MAPK8IP3: variants seen among roughly 807,000 people sequenced by gnomAD.
MAPK8IP3 encodes the protein C-Jun-amino-terminal kinase-interacting protein 3.
In MAPK8IP3, 49 loss-of-function variants were observed where a neutral mutation model predicts 157.8. The ratio of observed to expected loss-of-function variants is 0.31; its 90% CI spans 0.25 to 0.39. MAPK8IP3 has a LOEUF of 0.39. Ranked by LOEUF, MAPK8IP3 falls within the 10% of genes least tolerant of loss-of-function variation. The pLI, the probability that MAPK8IP3 is intolerant of heterozygous loss-of-function variation, is 1.00. For missense variants in MAPK8IP3, 1,478 were observed against 1,889.4 expected (o/e 0.78, Z 4.04); for synonymous variants, 897 against 777.7 (o/e 1.15, Z -2.55).
rs778905521 is a variant in MAPK8IP3 at position 1,729,087 on chromosome 16, G to C, written c.440-51G>C. 7.1e-6 allele frequency: 11 copies of C among 1,554,080 alleles called. No homozygotes were observed. In the African/African-American group the frequency reaches 1.4e-4, roughly 19 times the overall value. ...TCTGTGGTTACAACCCAAGAGTTCA[G>C]GGCCATGGAGAAGCGTCTTGTGCGG... On this transcript the variant is annotated intron_variant, in intron 2 of 31. Coordinates refer to ENST00000610761, the MANE Select transcript of MAPK8IP3 (RefSeq NM_001318852.2).
rs1285849041 is a variant in MAPK8IP3 at position 1,743,486 on chromosome 16, C to T, written c.747+10C>T. The T allele has an allele frequency of 1.9e-6, 3 of 1,607,686 alleles. No individual in the cohort carries two copies. Among genetic ancestry groups the T allele is most frequent in the African/African-American group, 1.3e-5 (1 of 74,742 alleles). On this transcript the variant is annotated intron_variant, in intron 5 of 31. Transcript: ENST00000610761. The surrounding 1 kb of genome is among the most constrained non-coding windows in gnomAD (Gnocchi z 5.6). Reference sequence around the variant, plus strand: ...CAGCTCCAGCTACCAGGTTTTGTAGCCGTGCCGTGGAGTGAGAGGCTCCTC... The same window carrying T: ...CAGCTCCAGCTACCAGGTTTTGTAGTCGTGCCGTGGAGTGAGAGGCTCCTC...
At position 1,761,569 on chromosome 16, in the gene MAPK8IP3, G is replaced by A. The variant is rs574457729; in HGVS notation, c.1539+264G>A. On this transcript the variant is annotated intron_variant, in intron 13 of 31. Transcript: ENST00000610761. ...CCGCCATTCACCATTCACACACAGG[G>A]CGACCACCATTCACCATTCACAGGC... Among the ~76,000 whole-genome samples, 40 of 146,906 alleles carry A rather than the reference G, an allele frequency of 2.7e-4. 2 individuals are homozygous for A. Among genetic ancestry groups the A allele is most frequent in the African/African-American group, 9.5e-4 (37 of 38,798 alleles).
chr16:1,728,354 C>A (rs1380256342), intron 2 of MAPK8IP3, among the ~76,000 whole-genome samples: 1 of 152,232 alleles, frequency 6.6e-6, no homozygotes, highest in Admixed American at 6.5e-5. Flanking sequence ...CTGCCAGACA[C>A]GACCCTTTGA....
At chr16:1,738,034 G>A (rs2040171296) in intron 4 of MAPK8IP3, among the ~76,000 whole-genome samples, 2 of 83,996 alleles carry the variant, frequency 2.4e-5, no homozygotes, top group Non-Finnish European at 4.6e-5. Flanking sequence ...GAGCATCCGT[G>A]TGAGCGTGTG....
chr16:1,714,839 G>A (rs2038039406), intron 1 of MAPK8IP3, among the ~76,000 whole-genome samples: 1 of 152,096 alleles, frequency 6.6e-6, no homozygotes, highest in Admixed American at 6.6e-5. Flanking sequence ...AGAGGGAGTC[G>A]GAGGTTGGGG....
At position 1,744,820 on chromosome 16, in the gene MAPK8IP3, G is replaced by A. The variant is rs1057172706; in HGVS notation, c.747+1344G>A. 32 of 984,994 alleles carry A rather than the reference G, an allele frequency of 3.2e-5. No individual in the cohort carries two copies. In the African/African-American group the frequency reaches 3.8e-4, roughly 12 times the overall value. 61.0% of individuals were successfully genotyped at this position (984,994 alleles called of 1,614,324 possible). A position where few individuals can be genotyped will look rare whatever the true frequency, so the allele number is the denominator to read the frequency against. On this transcript the variant is annotated intron_variant, in intron 5 of 31. Transcript: ENST00000610761. ...ATAAATTGTAGCGTTTTATGTTTTC[G>A]TTCATAGGAGTGTTTTATTTGATTT... is the stretch of plus-strand genomic sequence containing the variant.
intron 1 of MAPK8IP3, among the ~76,000 whole-genome samples, chr16:1,714,816 G>A (rs373628864): frequency 2.6e-4 from 40 of 152,100 alleles, no homozygotes; most frequent in African/African-American, 8.0e-4. Flanking sequence ...CAGGCCTCTC[G>A]TTCAGTGGAA....
At chr16:1,763,605 G>T in intron 16 of MAPK8IP3, 52 bp from the exon 17 acceptor site, 1 of 1,461,214 alleles carries the variant, frequency 6.8e-7, no homozygotes, top group Non-Finnish European at 9.1e-7. Context: ...CTGGGGCACT[G>T]TGGGGGCCGC....
chr16:1,740,954 ACT>A (rs1275788846), intron 4 of MAPK8IP3, among the ~76,000 whole-genome samples: 3 of 152,020 alleles, frequency 2.0e-5, no homozygotes, highest in African/African-American at 7.2e-5. Context: ...GGTCGCCCAC[ACT>A]CTGCCCTCGC....
intron 1 of MAPK8IP3, among the ~76,000 whole-genome samples, chr16:1,708,956 G>T (rs2037576991): frequency 6.6e-6 from 1 of 152,176 alleles, no homozygotes; most frequent in Admixed American, 6.5e-5. Flanking sequence ...GCAGGGACTT[G>T]TGATCACATA....
At chr16:1,762,800 C>T (rs1050927280) in intron 15 of MAPK8IP3, 36 bp from the exon 16 acceptor site, 4 of 1,604,164 alleles carry the variant, frequency 2.5e-6, no homozygotes, top group Admixed American at 3.3e-5. Flanking sequence ...TTCCCTGGTC[C>T]TCTGCCCACC....
rs554289484 is a variant in MAPK8IP3, at chr16:1,768,864, C to T, written c.*40C>T. 22 of 1,601,444 alleles carry T rather than the reference C, an allele frequency of 1.4e-5. No individual in the cohort carries two copies. The East Asian group carries it at 4.5e-4, about 33-fold the overall frequency. On this transcript the variant is annotated 3_prime_UTR_variant, in exon 32 of 32. Transcript: ENST00000610761. ...CTGGCCCGACCTGTACATAGGACCCCCGACCACCTGACCCCCGCCCGGCCC... is the reference window on the plus strand; with the variant it reads ...CTGGCCCGACCTGTACATAGGACCCTCGACCACCTGACCCCCGCCCGGCCC...
chr16:1,767,638 G>A lies in MAPK8IP3; in HGVS notation c.3312G>A (p.Val1104=), dbSNP rs758456397. The A allele has an allele frequency of 3.1e-6, 5 of 1,612,634 alleles. No homozygotes were observed. In the Admixed American group the frequency reaches 8.3e-5, roughly 27 times the overall value. The change falls in exon 27 of 32, where the codon GTG becomes GTA. Residue 1104 remains valine, a synonymous_variant. Transcript: ENST00000610761. ...CGTGGATCGGCGATGGCGTATGGGT[G>A]TCCATCCGCCTGGACTCCACCCTGA... is the stretch of plus-strand genomic sequence containing the variant. ...QLAWIGDGVW[V]SIRLDSTLRL...
chr16:1,736,211 T>A (rs1315631922), intron 4 of MAPK8IP3, among the ~76,000 whole-genome samples: 3 of 83,992 alleles, frequency 3.6e-5, no homozygotes, highest in Admixed American at 1.4e-4. Flanking sequence ...TGTGTGACCA[T>A]CCGTGTGAGC....
rs767798873 is a variant in MAPK8IP3 at position 1,729,199 on chromosome 16, G to A, written c.501G>A (p.Arg167=). The change falls in exon 3 of 32, where the codon CGG becomes CGA. Residue 167 remains arginine (R), a synonymous_variant. Coordinates refer to ENST00000610761, the MANE Select transcript of MAPK8IP3 (RefSeq NM_001318852.2). Reference sequence around the variant, plus strand: ...AGGAGTACAATGCCCTGCACCAGCGGCACACAGAGGTGGGCGCCCAGAGGC... The same window carrying A: ...AGGAGTACAATGCCCTGCACCAGCGACACACAGAGGTGGGCGCCCAGAGGC... ...MKKEYNALHQ[R]HTEMIQTYVE... is the part of the protein sequence containing the mutation. 1.2e-6 allele frequency: 2 copies of A among 1,613,884 alleles called. No homozygotes were observed. Among genetic ancestry groups the A allele is most frequent in the Middle Eastern group, 3.3e-4 (2 of 6,062 alleles).
chr16:1,736,308 G>A (rs550965565), intron 4 of MAPK8IP3, among the ~76,000 whole-genome samples: 3 of 92,152 alleles, frequency 3.3e-5, no homozygotes, highest in Admixed American at 1.5e-4. Context: ...GTGAGCGTCC[G>A]TGTGAGCGTG....
chr16:1,768,136 C>T lies in MAPK8IP3; in HGVS notation c.3562+29C>T, dbSNP rs200192948. ...AGCCCAGCCACCTCGTGTCCCCTCA[C>T]GGGAGCCTCTCCCACTCTCCACCTG... On this transcript the variant is annotated intron_variant, in intron 29 of 31. Coordinates refer to ENST00000610761, the MANE Select transcript of MAPK8IP3 (RefSeq NM_001318852.2). 1.5e-4 allele frequency: 241 copies of T among 1,612,086 alleles called. 1 individual carries two copies. The highest frequency in any genetic ancestry group is 1.2e-3 in the Admixed American group (75 of 60,008).
At chr16:1,727,510 A>G (rs2038967979) in intron 2 of MAPK8IP3, among the ~76,000 whole-genome samples, 2 of 149,888 alleles carry the variant, frequency 1.3e-5, no homozygotes, top group Admixed American at 6.6e-5. Context: ...TAAGTTATGC[A>G]TGTTTGGTGC....
rs546109224 is a variant in MAPK8IP3 at position 1,737,579 on chromosome 16, C to T, written c.603-5753C>T. On this transcript the variant is annotated intron_variant, in intron 4 of 31. Coordinates refer to ENST00000610761, the MANE Select transcript of MAPK8IP3 (RefSeq NM_001318852.2). ...CCATCCATGTGAGCATCTGTGTGAC[C>T]GTCCGTGAGCATCCGTGTGAGCGTG... Among the ~76,000 whole-genome samples, 222 of 82,288 alleles carry T rather than the reference C, an allele frequency of 2.7e-3. 11 individuals carry two copies. The highest frequency in any genetic ancestry group is 0.01 in the African/African-American group (194 of 19,016). The allele number at this position is 82,288 out of a possible 152,430, so 54.0% of individuals were successfully genotyped here. A position where few individuals can be genotyped will look rare whatever the true frequency, so the allele number is the denominator to read the frequency against.
Sources: gnomAD v4.1 joint callset for allele counts (sites outside exome capture counted in the v4.1 genomes callset) on GRCh38, gnomAD v4.1.1 for gene constraint, Gnocchi (gnomAD v3.1) non-coding constraint, MANE v1.5 for transcripts, NCBI Gene and HGNC (gene_info 2026-07-23, HGNC 2026-07-21) for gene names.